Variants in ROBO2 observed in about 807,000 individuals in gnomAD.
ROBO2 encodes the protein roundabout homolog 2.
ROBO2 carries 53 observed loss-of-function variants against 160.8 expected under a neutral mutation model. The observed-to-expected ratio is 0.33, with a 90% CI of 0.26 to 0.41. The LOEUF (loss-of-function observed/expected upper bound fraction) is 0.41, where lower values mean the gene tolerates loss of function less well. Among genes scored for constraint, ROBO2 ranks in the 10% least tolerant of loss-of-function variants. The probability of loss-of-function intolerance (pLI) is 1.00; values close to 1 mark genes in which losing one functional copy is unlikely to be tolerated. For missense variants in ROBO2, 1,577 were observed against 1,722.4 expected (o/e 0.92, Z 1.49); for synonymous variants, 664 against 611.7 (o/e 1.09, Z -1.26).
intron 2 of ROBO2, among the ~76,000 whole-genome samples, chr3:76,101,806 C>T (rs1463587295): frequency 6.8e-6 from 1 of 146,434 alleles, no homozygotes; most frequent in Non-Finnish European, 1.5e-5. Flanking sequence ...TTCCTGTGTC[C>T]CTGTGTTCCC....
At chr3:77,388,951 T>C (rs962670044) in intron 2 of ROBO2, among the ~76,000 whole-genome samples, 1 of 152,154 alleles carries the variant, frequency 6.6e-6, no homozygotes, top group African/African-American at 2.4e-5. Context: ...ATCTATTTTG[T>C]TGTTGTTGTT....
chr3:76,168,422 G>C (rs886613076), intron 2 of ROBO2, among the ~76,000 whole-genome samples: 2 of 152,050 alleles, frequency 1.3e-5, no homozygotes, highest in African/African-American at 2.4e-5. Context: ...AATTATGCCT[G>C]ACTTTTTCTT....
intron 2 of ROBO2, among the ~76,000 whole-genome samples, chr3:77,269,613 A>G (rs948832707): frequency 2.4e-4 from 36 of 151,906 alleles, no homozygotes; most frequent in Non-Finnish European, 3.4e-4. Context: ...GTTTTCCAAG[A>G]TGTGTGTGTA....
intron 2 of ROBO2, among the ~76,000 whole-genome samples, chr3:76,817,290 C>T (rs1176322693): frequency 1.3e-5 from 2 of 151,974 alleles, no homozygotes; most frequent in African/African-American, 4.8e-5. Flanking sequence ...GAATGGGATG[C>T]TATATTATCC....
At chr3:76,693,266 C>A (rs1384122506) in intron 2 of ROBO2, among the ~76,000 whole-genome samples, 1 of 93,908 alleles carries the variant, frequency 1.1e-5, no homozygotes, top group Non-Finnish European at 2.0e-5. Flanking sequence ...ACATACATGT[C>A]TCTCTCTCTA....
intron 2 of ROBO2, among the ~76,000 whole-genome samples, chr3:76,660,428 C>T (rs1158653232): frequency 1.3e-5 from 2 of 152,068 alleles, no homozygotes; most frequent in African/African-American, 4.8e-5. Flanking sequence ...GACTGAAGAC[C>T]ACAAATCAGG....
At chr3:76,103,269 T>C (rs2069777746) in intron 2 of ROBO2, among the ~76,000 whole-genome samples, 1 of 152,210 alleles carries the variant, frequency 6.6e-6, no homozygotes. Flanking sequence ...CGCCACATTT[T>C]AAATAACTGT....
exon 16 of ROBO2, chr3:77,579,998 G>T (rs1331905919): frequency 1.9e-6 from 3 of 1,613,680 alleles, no homozygotes; most frequent in Non-Finnish European, 2.5e-6. Flanking sequence ...AACTGTGGAT[G>T]CAGCCATTCG....
At chr3:77,452,374 C>T (rs576509005) in intron 2 of ROBO2, among the ~76,000 whole-genome samples, 4 of 152,162 alleles carry the variant, frequency 2.6e-5, no homozygotes, top group East Asian at 1.9e-4. Context: ...CTTTTTCTCC[C>T]GCTCTCTCCT....
intron 2 of ROBO2, among the ~76,000 whole-genome samples, chr3:76,413,755 T>G (rs1201485450): frequency 6.6e-6 from 1 of 152,168 alleles, no homozygotes; most frequent in African/African-American, 2.4e-5. Flanking sequence ...CTTTCACACA[T>G]TTTCCTGTCT....
At chr3:75,970,102 A>G (rs1172615026) in intron 2 of ROBO2, among the ~76,000 whole-genome samples, 1 of 151,412 alleles carries the variant, frequency 6.6e-6, no homozygotes, top group Non-Finnish European at 1.5e-5. Flanking sequence ...TTTTATATGT[A>G]GATAACCAGA....
intron 2 of ROBO2, among the ~76,000 whole-genome samples, chr3:77,472,153 T>C (rs1459725233): frequency 6.6e-6 from 1 of 152,146 alleles, no homozygotes; most frequent in Admixed American, 6.5e-5. Context: ...CACAATCTTT[T>C]ATAAACTGAT....
chr3:76,952,271 A>G (rs1326250077), intron 2 of ROBO2, among the ~76,000 whole-genome samples: 1 of 151,678 alleles, frequency 6.6e-6, no homozygotes, highest in African/African-American at 2.4e-5. Context: ...ATTGTAACCT[A>G]TTTTTATTTT....
chr3:77,622,945 T>C (rs1205403114), intron 23 of ROBO2, among the ~76,000 whole-genome samples: 7 of 152,178 alleles, frequency 4.6e-5, no homozygotes, highest in African/African-American at 1.4e-4. Context: ...TGTTTATGCA[T>C]TTCACATTGC....
chr3:77,125,672 T>G (rs2075251408), intron 2 of ROBO2, among the ~76,000 whole-genome samples: 1 of 152,214 alleles, frequency 6.6e-6, no homozygotes, highest in Non-Finnish European at 1.5e-5. Context: ...AAAAAGTGTC[T>G]TAGATATAGA....
At chr3:76,292,667 A>G (rs1708862574) in intron 2 of ROBO2, among the ~76,000 whole-genome samples, 1 of 152,218 alleles carries the variant, frequency 6.6e-6, no homozygotes, top group South Asian at 2.1e-4. Flanking sequence ...CACATTTTCT[A>G]AACTAGAAAG....
chr3:76,345,512 T>A (rs1013746050), intron 2 of ROBO2, among the ~76,000 whole-genome samples: 1 of 150,790 alleles, frequency 6.6e-6, no homozygotes, highest in African/African-American at 2.4e-5. Flanking sequence ...GGTTGAATTA[T>A]AACAAAACTA....
At chr3:77,611,900 C>T (rs1291805975) in intron 21 of ROBO2, among the ~76,000 whole-genome samples, 2 of 152,062 alleles carry the variant, frequency 1.3e-5, no homozygotes, top group Admixed American at 1.3e-4. Flanking sequence ...CATATGATTC[C>T]AGGAAGAATT....
At chr3:77,294,489 G>C (rs2061780556) in intron 2 of ROBO2, among the ~76,000 whole-genome samples, 1 of 145,300 alleles carries the variant, frequency 6.9e-6, no homozygotes, top group Non-Finnish European at 1.5e-5. Context: ...GCTGAGGCTA[G>C]ATCACCCCAG....
Sources: allele counts gnomAD v4.1 joint callset (sites outside exome capture counted in the v4.1 genomes callset), GRCh38; gene constraint gnomAD v4.1.1; transcripts MANE v1.5; gene names NCBI Gene and HGNC (gene_info 2026-07-23, HGNC 2026-07-21).